The following SEMA3A variants were observed in gnomAD, a reference collection of about 807,000 sequenced individuals.
SEMA3A encodes the protein semaphorin 3A, also known as semaphorin-3A.
A neutral mutation model predicts 97.9 loss-of-function variants in SEMA3A; 29 were observed. The observed-to-expected ratio is 0.30, with a 90% CI of 0.22 to 0.40. The LOEUF (loss-of-function observed/expected upper bound fraction) is 0.40. SEMA3A is among the 10% of genes least tolerant of loss of function. The pLI is 1.00. For synonymous variants in SEMA3A, 321 were observed against 323.7 expected (o/e 0.99, Z 0.09); for missense variants, 763 against 951.3 (o/e 0.80, Z 2.60).
In SEMA3A at chr7:84,194,491, C is replaced by T; in HGVS notation, c.96G>A (p.Leu32=). 3 of 1,606,340 alleles carry T rather than the reference C, an allele frequency of 1.9e-6. No individual in the cohort carries two copies. The highest frequency in any genetic ancestry group is 2.6e-6 in the Non-Finnish European group (3 of 1,173,082). Residue 32 remains leucine (L), a synonymous_variant, in exon 1 of 17, where the codon CTG becomes CTA. Coordinates refer to ENST00000265362, the MANE Select transcript of SEMA3A (RefSeq NM_006080.3). ...YQNGKNNVPR[L]KLSYKEMLES... ...AAGATTTACCTTTGTAGGATAATTT[C>T]AGCCTTGGCACATTGTTCTTCCCAT...
chr7:84,125,731 G>T (rs1795773803), intron 3 of SEMA3A, among the ~76,000 whole-genome samples: 1 of 152,170 alleles, frequency 6.6e-6, no homozygotes, highest in African/African-American at 2.4e-5. Flanking sequence ...GAGGGAGAGA[G>T]AGGAGAAAGT....
chr7:84,382,838 AC>A (rs1289319222), intron 1 of SEMA3A, among the ~76,000 whole-genome samples: 2 of 151,914 alleles, frequency 1.3e-5, no homozygotes, highest in Non-Finnish European at 2.9e-5. Context: ...AGATCATGCC[AC>A]TGCACTCCAG....
chr7:84,054,118 C>A (rs1217563079), intron 5 of SEMA3A, among the ~76,000 whole-genome samples: 1 of 151,752 alleles, frequency 6.6e-6, no homozygotes, highest in Admixed American at 6.6e-5. Flanking sequence ...GAGGGTAACC[C>A]GACCTTTCTC....
intron 2 of SEMA3A, among the ~76,000 whole-genome samples, chr7:84,345,711 G>C (rs1802283063): frequency 6.6e-6 from 1 of 152,064 alleles, no homozygotes; most frequent in African/African-American, 2.4e-5. Flanking sequence ...ACAACTTCAG[G>C]CTCTACTTCT....
intron 3 of SEMA3A, among the ~76,000 whole-genome samples, chr7:84,278,390 C>T (rs1242782441): frequency 6.6e-6 from 1 of 152,100 alleles, no homozygotes; most frequent in African/African-American, 2.4e-5. Context: ...AACCCTCTAC[C>T]CTCTTTCAAC....
chr7:84,194,220 G>C (rs955643763), intron 1 of SEMA3A, among the ~76,000 whole-genome samples: 1 of 152,076 alleles, frequency 6.6e-6, no homozygotes, highest in Non-Finnish European at 1.5e-5. Context: ...ACAGATCAGC[G>C]TGTACCAGGC....
intron 2 of SEMA3A, among the ~76,000 whole-genome samples, chr7:84,356,245 AAC>A (rs1271971312): frequency 6.6e-6 from 1 of 151,850 alleles, no homozygotes; most frequent in East Asian, 1.9e-4. Context: ...TAGTATATGC[AAC>A]ACACTGATTT....
At chr7:84,392,050 T>C (rs1803594566) in intron 1 of SEMA3A, among the ~76,000 whole-genome samples, 1 of 152,136 alleles carries the variant, frequency 6.6e-6, no homozygotes, top group South Asian at 2.1e-4. Context: ...TGTGGCATTA[T>C]TAAATCAAGC....
At chr7:83,992,805 G>C (rs1274794170) in intron 12 of SEMA3A, among the ~76,000 whole-genome samples, 1 of 152,114 alleles carries the variant, frequency 6.6e-6, no homozygotes, top group Non-Finnish European at 1.5e-5. Context: ...TTGATTTGGG[G>C]TGGAGAGTTC....
At chr7:84,290,730 A>AT (rs1284129172) in intron 3 of SEMA3A, among the ~76,000 whole-genome samples, 1 of 152,096 alleles carries the variant, frequency 6.6e-6, no homozygotes, top group Admixed American at 6.6e-5. Context: ...CTGTTGTTTC[A>AT]TGTACTAAAC....
At chr7:84,135,410 C>T (rs887230086) in intron 1 of SEMA3A, among the ~76,000 whole-genome samples, 1 of 151,944 alleles carries the variant, frequency 6.6e-6, no homozygotes, top group African/African-American at 2.4e-5. Flanking sequence ...TGTGCCCGGC[C>T]TGCATTTTAT....
At chr7:84,383,260 A>AAAG (rs1411323832) in intron 1 of SEMA3A, among the ~76,000 whole-genome samples, 1 of 152,170 alleles carries the variant, frequency 6.6e-6, no homozygotes, top group African/African-American at 2.4e-5. Context: ...CTTCTGTACT[A>AAAG]AAGAATATTA....
intron 1 of SEMA3A, among the ~76,000 whole-genome samples, chr7:84,477,793 A>G (rs1275162612): frequency 6.6e-6 from 1 of 152,214 alleles, no homozygotes; most frequent in African/African-American, 2.4e-5. Flanking sequence ...CATGGTAAAA[A>G]TGTTCAGTGA....
At chr7:84,286,965 T>C (rs1347551590) in intron 3 of SEMA3A, among the ~76,000 whole-genome samples, 2 of 152,158 alleles carry the variant, frequency 1.3e-5, no homozygotes, top group African/African-American at 4.8e-5. Flanking sequence ...TAATATGTAA[T>C]GTTTAAAAAC....
chr7:83,992,080 TC>T (rs1211804240), intron 12 of SEMA3A, among the ~76,000 whole-genome samples: 1 of 138,546 alleles, frequency 7.2e-6, no homozygotes, highest in African/African-American at 2.7e-5. Context: ...TTTATCCATT[TC>T]TTCTAGATTT....
At chr7:84,488,916 C>T (rs955930074) in intron 1 of SEMA3A, among the ~76,000 whole-genome samples, 2 of 152,242 alleles carry the variant, frequency 1.3e-5, no homozygotes, top group East Asian at 3.9e-4. Flanking sequence ...CCACTAATAA[C>T]GAAGTCACCT....
chr7:84,267,413 G>A (rs958915281), intron 3 of SEMA3A, among the ~76,000 whole-genome samples: 1 of 152,006 alleles, frequency 6.6e-6, no homozygotes, highest in Non-Finnish European at 1.5e-5. Flanking sequence ...TTCCCAGAAC[G>A]TATTACTTTT....
chr7:84,142,089 C>T (rs1425540152), intron 1 of SEMA3A, among the ~76,000 whole-genome samples: 2 of 152,116 alleles, frequency 1.3e-5, no homozygotes, highest in Non-Finnish European at 2.9e-5. Context: ...AAAGGCAGAA[C>T]TATCTGTTAT....
intron 1 of SEMA3A, among the ~76,000 whole-genome samples, chr7:84,421,568 T>G (rs751540174): frequency 6.6e-6 from 1 of 152,090 alleles, no homozygotes; most frequent in Non-Finnish European, 1.5e-5. Context: ...ATAGGAGTGG[T>G]GAGAGAGGGC....
Sources: allele counts gnomAD v4.1 joint callset (sites outside exome capture counted in the v4.1 genomes callset), GRCh38; gene constraint gnomAD v4.1.1; transcripts MANE v1.5; gene names NCBI Gene and HGNC (gene_info 2026-07-23, HGNC 2026-07-21).